The following XYLT1 variants were observed in gnomAD, a reference collection of about 807,000 sequenced individuals.
XYLT1 encodes the protein xylosyltransferase 1, also known as beta-D-xylosyltransferase 1.
A neutral mutation model predicts 91.3 loss-of-function variants in XYLT1; 36 were observed. That is an observed-to-expected ratio of 0.39 (90% CI 0.30 to 0.52). The LOEUF is 0.52. XYLT1 is among the 20% of genes least tolerant of loss of function. The pLI is 0.68. For missense variants in XYLT1, 1,242 were observed against 1,284.5 expected (o/e 0.97, Z 0.51); for synonymous variants, 588 against 532.0 (o/e 1.11, Z -1.45).
At chr16:17,298,162 C>T (rs914679958) in intron 2 of XYLT1, among the ~76,000 whole-genome samples, 2 of 152,188 alleles carry the variant, frequency 1.3e-5, no homozygotes, top group African/African-American at 4.8e-5. Flanking sequence ...ACCAGACCCT[C>T]CCTTACAAAA....
chr16:17,298,368 T>G (rs1407565745), intron 2 of XYLT1, among the ~76,000 whole-genome samples: 2 of 152,152 alleles, frequency 1.3e-5, no homozygotes, highest in East Asian at 3.9e-4. Context: ...AGATCTCATC[T>G]CATCTTCACA....
chr16:17,384,528 G>A (rs892401744), intron 1 of XYLT1, among the ~76,000 whole-genome samples: 6 of 151,880 alleles, frequency 4.0e-5, no homozygotes, highest in African/African-American at 1.4e-4. Context: ...AATTCTGGAT[G>A]TCTAACCTTC....
At chr16:17,133,925 AAG>A (rs2030601215) in intron 9 of XYLT1, among the ~76,000 whole-genome samples, 2 of 147,792 alleles carry the variant, frequency 1.4e-5, no homozygotes, top group Admixed American at 6.6e-5. Context: ...ATGTTTTTAA[AAG>A]AGTTATTTTT....
chr16:17,444,517 T>C (rs2036569993), intron 1 of XYLT1, among the ~76,000 whole-genome samples: 1 of 151,184 alleles, frequency 6.6e-6, no homozygotes, highest in Non-Finnish European at 1.5e-5. Flanking sequence ...TTCTTCTTTT[T>C]TTTTTTTTTA....
intron 3 of XYLT1, chr16:17,227,933 A>G (rs1263317295): frequency 6.6e-6 from 1 of 152,240 alleles, no homozygotes; most frequent in Non-Finnish European, 1.5e-5. Context: ...GGTTTGGGCA[A>G]CTTGGGGAAT....
chr16:17,433,911 G>C (rs952007743), intron 1 of XYLT1, among the ~76,000 whole-genome samples: 2 of 151,314 alleles, frequency 1.3e-5, no homozygotes, highest in African/African-American at 2.4e-5. Context: ...CATTCCTAGC[G>C]GCAAGGCTGG....
chr16:17,194,581 T>C (rs908457111), intron 5 of XYLT1, among the ~76,000 whole-genome samples: 2 of 152,208 alleles, frequency 1.3e-5, no homozygotes, highest in African/African-American at 4.8e-5. Context: ...ACATCCCTGC[T>C]GCAGGCAGTC....
chr16:17,331,679 G>A (rs1382135017), intron 2 of XYLT1, among the ~76,000 whole-genome samples: 6 of 152,104 alleles, frequency 3.9e-5, no homozygotes, highest in Admixed American at 3.9e-4. Context: ...CCATTTTATT[G>A]ATGGGCACAC....
At chr16:17,196,043 G>A (rs543144649) in intron 5 of XYLT1, among the ~76,000 whole-genome samples, 3 of 152,300 alleles carry the variant, frequency 2.0e-5, no homozygotes, top group Admixed American at 1.3e-4. Flanking sequence ...TCTTTCTAGT[G>A]CCTGTCATTT....
At position 17,413,936 on chromosome 16, in the gene XYLT1, G is replaced by C. The variant is rs201840489; in HGVS notation, c.364-55886C>G. Among the ~76,000 whole-genome samples the C allele has an allele frequency of 3.7e-4, 57 of 152,176 alleles. No homozygotes were observed. In the East Asian group the frequency reaches 9.5e-3, roughly 25 times the overall value. ...TTTCCCCCGCCCTAAACCAACCTGG[G>C]GCCAGGTAGCAGGCAGCTAGAGACC... is the stretch of plus-strand genomic sequence containing the variant. On this transcript the variant is annotated intron_variant, in intron 1 of 11. Transcript: ENST00000261381.
At chr16:17,255,989 C>T (rs1413389935) in intron 3 of XYLT1, among the ~76,000 whole-genome samples, 1 of 152,082 alleles carries the variant, frequency 6.6e-6, no homozygotes, top group African/African-American at 2.4e-5. Context: ...GCCTGGGCGA[C>T]AGAGCGAGAC....
intron 2 of XYLT1, among the ~76,000 whole-genome samples, chr16:17,294,386 A>G (rs1230164623): frequency 6.6e-6 from 1 of 152,202 alleles, no homozygotes; most frequent in African/African-American, 2.4e-5. Flanking sequence ...AGGGCATGTT[A>G]CTGCTCGAAA....
In XYLT1 at chr16:17,103,429, C is replaced by T. The variant is rs1317564087; in HGVS notation, c.*5266G>A. The T allele has an allele frequency of 4.6e-5, 7 of 152,126 alleles. No homozygotes were observed. The East Asian group carries it at 1.2e-3, about 25-fold the overall frequency. 9.4% of individuals were successfully genotyped at this position (152,126 alleles called of 1,614,324 possible). ...TTAAAGACGACATTTGTAAGCAATT[C>T]CTATAGCATCTGCCAACTACAGATT... is the stretch of plus-strand genomic sequence containing the variant. On this transcript the variant is annotated 3_prime_UTR_variant, in exon 12 of 12. Coordinates refer to ENST00000261381, the MANE Select transcript of XYLT1 (RefSeq NM_022166.4).
rs1308221637 is a variant in XYLT1 at position 17,312,375 on chromosome 16, A to C, written c.402+45637T>G. Among the ~76,000 whole-genome samples, 2 of 152,130 alleles carry C rather than the reference A, an allele frequency of 1.3e-5. No individual in the cohort carries two copies. The highest frequency in any genetic ancestry group is 2.9e-5 in the Non-Finnish European group (2 of 68,020). ...TCAATGAAACATCCCTGAAATCCTC[A>C]TGATCATCAGGGCTGGCATTCCTGT... On this transcript the variant is annotated intron_variant, in intron 2 of 11. Transcript: ENST00000261381. The surrounding 1 kb of genome is among the most constrained non-coding windows in gnomAD (Gnocchi z 4.4).
chr16:17,138,244 A>AGGTTTGGGCACCATGTGATAAG, intron 8 of XYLT1, 111 bp downstream of exon 8: 2 of 1,272,504 alleles, frequency 1.6e-6, no homozygotes, highest in South Asian at 2.9e-5. Flanking sequence ...ATCAACAGCC[A>AGGTTTGGGCACCATGTGATAAG]GGTTTGGGCA....
At chr16:17,323,060 G>A (rs1197072150) in intron 2 of XYLT1, among the ~76,000 whole-genome samples, 4 of 152,210 alleles carry the variant, frequency 2.6e-5, no homozygotes, top group Non-Finnish European at 1.5e-5. Flanking sequence ...ATACCTCCAT[G>A]GCAGGTCAGG....
At chr16:17,213,570 T>C (rs1307638636) in intron 3 of XYLT1, among the ~76,000 whole-genome samples, 1 of 152,132 alleles carries the variant, frequency 6.6e-6, no homozygotes, top group Non-Finnish European at 1.5e-5. Flanking sequence ...GACACTAAAA[T>C]GGGGACTTTT....
At chr16:17,386,155 T>A (rs2035745835) in intron 1 of XYLT1, among the ~76,000 whole-genome samples, 1 of 152,168 alleles carries the variant, frequency 6.6e-6, no homozygotes, top group Non-Finnish European at 1.5e-5. Context: ...TTTGGAGACA[T>A]GGGCTAAGCC....
intron 2 of XYLT1, among the ~76,000 whole-genome samples, chr16:17,285,516 G>C (rs998034186): frequency 1.3e-5 from 2 of 152,166 alleles, no homozygotes; most frequent in Non-Finnish European, 2.9e-5. Context: ...AGAACCAAAG[G>C]TTGTGGGACA....
Sources: allele counts gnomAD v4.1 joint callset (sites outside exome capture counted in the v4.1 genomes callset), GRCh38; gene constraint gnomAD v4.1.1; non-coding constraint Gnocchi (gnomAD v3.1); transcripts MANE v1.5; gene names NCBI Gene and HGNC (gene_info 2026-07-23, HGNC 2026-07-21).